Variants in ANKMY1 observed in about 807,000 individuals in gnomAD.
ANKMY1 encodes ankyrin repeat and MYND domain-containing protein 1.
A neutral mutation model predicts 102.0 loss-of-function variants in ANKMY1; 98 were observed. The ratio of observed to expected loss-of-function variants is 0.96; its 90% CI spans 0.82 to 1.14. The LOEUF is 1.14. Among genes scored for constraint, ANKMY1 ranks in the 50% most tolerant of loss-of-function variants. ANKMY1 has a pLI of 0.00. For synonymous variants in ANKMY1, 582 were observed against 559.9 expected, an observed-to-expected ratio of 1.04 and a Z score of -0.56; for missense variants, 1,330 against 1,347.6, an observed-to-expected ratio of 0.99 and a Z score of 0.20.
At chr2:240,480,311 G>A (rs554406519) in intron 17 of ANKMY1, among the ~76,000 whole-genome samples, 14 of 152,344 alleles carry the variant, frequency 9.2e-5, no homozygotes, top group East Asian at 3.9e-4. Context: ...CCACCAGGCC[G>A]GGAACCCAGC....
intron 9 of ANKMY1, among the ~76,000 whole-genome samples, chr2:240,514,597 G>A (rs546412773): frequency 6.6e-6 from 1 of 152,362 alleles, no homozygotes; most frequent in South Asian, 2.1e-4. Context: ...TCAGTAACAT[G>A]AGGGCTCAGT....
intron 4 of ANKMY1, among the ~76,000 whole-genome samples, chr2:240,550,518 A>G (rs767226152): frequency 6.6e-6 from 1 of 152,126 alleles, no homozygotes; most frequent in Non-Finnish European, 1.5e-5. Context: ...TATAATAATA[A>G]TAAATTTAAA....
At chr2:240,560,792 G>A (rs750953578), upstream of ANKMY1, 8 of 1,453,644 alleles carry the variant, frequency 5.5e-6, no homozygotes, top group Non-Finnish European at 7.2e-6. Context: ...CCGCGGGCGC[G>A]GAGGAGCAGC....
intron 4 of ANKMY1, among the ~76,000 whole-genome samples, chr2:240,552,075 T>C (rs769941690): frequency 3.3e-5 from 5 of 152,204 alleles, no homozygotes; most frequent in Non-Finnish European, 5.9e-5. Context: ...TCACACATTA[T>C]TACATTTCTT....
At chr2:240,480,300 C>T (rs1204581876) in intron 17 of ANKMY1, among the ~76,000 whole-genome samples, 2 of 152,212 alleles carry the variant, frequency 1.3e-5, no homozygotes, top group African/African-American at 2.4e-5. Context: ...CACTCCCGTC[C>T]CCACCAGGCC....
At chr2:240,513,003 G>A (rs1016565564) in intron 9 of ANKMY1, 61 bp from the exon 10 acceptor site, 3 of 1,559,512 alleles carry the variant, frequency 1.9e-6, no homozygotes, top group African/African-American at 1.4e-5. Flanking sequence ...GACAGGTGAG[G>A]TACCTGAGGG....
intron 2 of ANKMY1, among the ~76,000 whole-genome samples, chr2:240,555,840 G>A (rs1008560009): frequency 6.6e-6 from 1 of 151,776 alleles, no homozygotes; most frequent in African/African-American, 2.4e-5. Flanking sequence ...ACCAACACAG[G>A]TGGATGGGGT....
chr2:240,542,208 A>G (rs769479821), intron 4 of ANKMY1, among the ~76,000 whole-genome samples: 27 of 137,352 alleles, frequency 2.0e-4, no homozygotes, highest in Non-Finnish European at 3.3e-4. Context: ...TCCATCTCAG[A>G]AAAAAAAAAA....
At chr2:240,516,850 G>A (rs2081301033) in intron 9 of ANKMY1, among the ~76,000 whole-genome samples, 1 of 152,138 alleles carries the variant, frequency 6.6e-6, no homozygotes. Flanking sequence ...AAAGCAGGAG[G>A]TGACTGCATG....
At chr2:240,480,068 T>C (rs1189947492) in intron 17 of ANKMY1, among the ~76,000 whole-genome samples, 2 of 152,070 alleles carry the variant, frequency 1.3e-5, no homozygotes, top group Non-Finnish European at 2.9e-5. Flanking sequence ...AAAATTAGCC[T>C]GTAATCCCAG....
At chr2:240,504,639 T>C (rs2078752578) in intron 13 of ANKMY1, among the ~76,000 whole-genome samples, 1 of 151,700 alleles carries the variant, frequency 6.6e-6, no homozygotes, top group African/African-American at 2.4e-5. Context: ...CCAAATAAGA[T>C]ATAGAAATGG....
At chr2:240,510,938 C>T (rs75277970) in intron 11 of ANKMY1, among the ~76,000 whole-genome samples, 19,305 of 150,092 alleles carry the variant, frequency 0.13, 1,382 homozygotes, top group Non-Finnish European at 0.16. Flanking sequence ...CTTGACCAGC[C>T]GCCTTCCTGG....
At chr2:240,536,028 G>A (rs2086644853) in intron 4 of ANKMY1, among the ~76,000 whole-genome samples, 1 of 152,120 alleles carries the variant, frequency 6.6e-6, no homozygotes, top group Admixed American at 6.5e-5. Context: ...ACCATACAAG[G>A]CACACAAGAA....
chr2:240,501,771 C>T (rs903657284), intron 13 of ANKMY1, among the ~76,000 whole-genome samples: 1 of 152,230 alleles, frequency 6.6e-6, no homozygotes, highest in African/African-American at 2.4e-5. Flanking sequence ...CTGGCCTGAA[C>T]GGCTGACTCC....
At chr2:240,541,437 GGAATTCAGAGTTTGCTGTTCAATGGGAA>G (rs1251996771) in intron 4 of ANKMY1, among the ~76,000 whole-genome samples, 1 of 151,664 alleles carries the variant, frequency 6.6e-6, no homozygotes, top group Non-Finnish European at 1.5e-5. Flanking sequence ...AATATTCTTT[GGAATTCAGAGTTTGCTGTTCAATGGGAA>G]AGCAAGATTG....
At chr2:240,516,973 T>C (rs957064760) in intron 9 of ANKMY1, among the ~76,000 whole-genome samples, 1 of 152,262 alleles carries the variant, frequency 6.6e-6, no homozygotes, top group Non-Finnish European at 1.5e-5. Context: ...TTAAGCTGTT[T>C]ATATCCATTA....
the ANKMY1 span, among the ~76,000 whole-genome samples, chr2:240,469,685 C>T: frequency 8.6e-5 from 13 of 151,636 alleles, no homozygotes; most frequent in South Asian, 4.2e-4. Flanking sequence ...CACACACAAA[C>T]GAACACATAC....
intron 4 of ANKMY1, among the ~76,000 whole-genome samples, chr2:240,535,164 G>A (rs1319646362): frequency 1.3e-5 from 2 of 152,220 alleles, no homozygotes; most frequent in Non-Finnish European, 2.9e-5. Flanking sequence ...ATGTGCCCAA[G>A]GTGGTTGGGG....
rs553119099 is a variant in ANKMY1 at position 240,496,091 on chromosome 2, G to C, written c.2806+3867C>G. ...TCTTCTGATGAGATGCTGGCTAGCT[G>C]TTAATCTTACTGGGATTCCCTTGTA... On this transcript the variant is annotated intron_variant, in intron 15 of 17. Coordinates refer to ENST00000401804, the MANE Select transcript of ANKMY1 (RefSeq NM_001282771.3). 2.6e-5 allele frequency among the ~76,000 whole-genome samples: 4 copies of C among 152,286 alleles called. No individual in the cohort carries two copies. In the East Asian group the frequency reaches 7.7e-4, roughly 29 times the overall value.
Sources: allele counts gnomAD v4.1 joint callset (sites outside exome capture counted in the v4.1 genomes callset), GRCh38; gene constraint gnomAD v4.1.1; transcripts MANE v1.5; gene names NCBI Gene and HGNC (gene_info 2026-07-23, HGNC 2026-07-21).